NLGN4X: variants seen among roughly 807,000 people sequenced by gnomAD.
NLGN4X encodes neuroligin 4 X-linked, also known as neuroligin-4, X-linked.
In NLGN4X, 3 loss-of-function variants were observed where a neutral mutation model predicts 40.3. The observed-to-expected ratio is 0.07, with a 90% confidence interval of 0.03 to 0.19. The LOEUF (loss-of-function observed/expected upper bound fraction) is 0.19, where lower values mean the gene tolerates loss of function less well. NLGN4X is among the 10% of genes least tolerant of loss of function. NLGN4X has a pLI of 1.00. For synonymous variants in NLGN4X, 270 were observed against 306.8 expected, an observed-to-expected ratio of 0.88 and a Z score of 1.25; for missense variants, 382 against 708.3, an observed-to-expected ratio of 0.54 and a Z score of 5.23.
chrX:6,155,897 G>A (rs1332082136), intron 1 of NLGN4X, among the ~76,000 whole-genome samples: 1 of 112,211 alleles, frequency 8.9e-6, no homozygotes, highest in Non-Finnish European at 1.9e-5. Context: ...AAAAACAACA[G>A]ATGCTGTTGC....
chrX:6,145,215 G>A (rs750426340), intron 2 of NLGN4X, among the ~76,000 whole-genome samples: 24 of 111,317 alleles, frequency 2.2e-4, no homozygotes, highest in African/African-American at 6.2e-4. Context: ...TCAAAACCCC[G>A]CCCTGGGATT....
At chrX:5,983,508 C>G (rs1197767287) in intron 3 of NLGN4X, among the ~76,000 whole-genome samples, 1 of 111,757 alleles carries the variant, frequency 8.9e-6, no homozygotes, top group East Asian at 2.8e-4. Context: ...AATCAAACTT[C>G]TAGATCAGAG....
chrX:6,125,442 C>CAACAATATACAACAAATTATATA (rs2039520121), intron 2 of NLGN4X, among the ~76,000 whole-genome samples: 4 of 105,319 alleles, frequency 3.8e-5, no homozygotes, highest in Non-Finnish European at 7.8e-5. Context: ...AAATAATATA[C>CAACAATATACAACAAATTATATA]AACAATATAC....
chrX:5,901,693 A>G (rs2031875387), intron 5 of NLGN4X, among the ~76,000 whole-genome samples: 1 of 110,106 alleles, frequency 9.1e-6, no homozygotes, highest in African/African-American at 3.3e-5. Flanking sequence ...TATGCATGAC[A>G]TATAGCAATA....
In NLGN4X at chrX:5,892,031, A is replaced by ATG. The variant is rs762586079; in HGVS notation, c.*784_*785dup. On this transcript the variant is annotated 3_prime_UTR_variant, in exon 6 of 6. Coordinates refer to ENST00000381095, the MANE Select transcript of NLGN4X (RefSeq NM_181332.3). ...GGAGGAAACAGAGGTGATATGACTA[A>ATG]TGTGTGTGTGTGTGTGTATATATAT... 7.7e-3 allele frequency: 924 copies of ATG among 120,425 alleles called. 4 individuals are homozygous for ATG. The highest frequency in any genetic ancestry group is 0.016 in the African/African-American group (484 of 30,227). The allele number at this position is 120,425 out of a possible 1,213,427, so 9.9% of individuals were successfully genotyped here.
chrX:6,070,221 G>C (rs2038025776), intron 2 of NLGN4X, among the ~76,000 whole-genome samples: 1 of 109,330 alleles, frequency 9.1e-6, no homozygotes, highest in Non-Finnish European at 1.9e-5. Context: ...ACTAAAATAA[G>C]ACATTTTTCC....
intron 1 of NLGN4X, among the ~76,000 whole-genome samples, chrX:6,215,633 T>C (rs1925011801): frequency 9.0e-6 from 1 of 111,174 alleles, no homozygotes; most frequent in Non-Finnish European, 1.9e-5. Context: ...ATACAAATGA[T>C]TGCTCAAGTA....
chrX:6,216,653 CCT>C (rs1389929696), intron 1 of NLGN4X, among the ~76,000 whole-genome samples: 1 of 107,321 alleles, frequency 9.3e-6, no homozygotes, highest in Non-Finnish European at 1.9e-5. Flanking sequence ...TTTGCAAACT[CCT>C]CTGTTTGGTT....
chrX:6,040,569 G>A (rs773110315), intron 2 of NLGN4X, among the ~76,000 whole-genome samples: 1 of 111,146 alleles, frequency 9.0e-6, no homozygotes, highest in South Asian at 3.7e-4. Context: ...TTCACATCTG[G>A]GTCATAACTC....
intron 2 of NLGN4X, among the ~76,000 whole-genome samples, chrX:6,049,486 T>C (rs2037421461): frequency 9.2e-6 from 1 of 109,249 alleles, no homozygotes; most frequent in Admixed American, 9.8e-5. Flanking sequence ...ATAGGTTAGC[T>C]ACTTTTCCAT....
At chrX:6,225,586 C>T (rs777689748) in intron 1 of NLGN4X, among the ~76,000 whole-genome samples, 32 of 103,456 alleles carry the variant, frequency 3.1e-4, no homozygotes, top group African/African-American at 1.0e-3. Context: ...GCATGCACTT[C>T]TATGTTGCCC....
intron 2 of NLGN4X, among the ~76,000 whole-genome samples, chrX:6,116,086 G>A (rs142199650): frequency 0.03 from 3,222 of 108,195 alleles, 115 homozygotes; most frequent in African/African-American, 0.091. Context: ...GAGGTCAGGA[G>A]ATGGAGACCA....
intron 1 of NLGN4X, among the ~76,000 whole-genome samples, chrX:6,184,801 G>GA (rs1921848443): frequency 8.9e-6 from 1 of 112,567 alleles, no homozygotes; most frequent in Non-Finnish European, 1.9e-5. Flanking sequence ...GTTTTCTGCA[G>GA]AATGTGAAGG....
chrX:6,177,565 T>C (rs1383320777), intron 1 of NLGN4X, among the ~76,000 whole-genome samples: 2 of 112,307 alleles, frequency 1.8e-5, no homozygotes, highest in African/African-American at 6.5e-5. Context: ...TTGTACTCAT[T>C]TGTCAAATAA....
intron 3 of NLGN4X, among the ~76,000 whole-genome samples, chrX:5,956,585 T>C (rs767806079): frequency 9.0e-6 from 1 of 111,436 alleles, no homozygotes; most frequent in East Asian, 2.8e-4. Context: ...ATGTGTAGAA[T>C]TATGGGAACT....
At chrX:6,227,848 G>A (rs1227203726) in intron 1 of NLGN4X, 3 of 109,296 alleles carry the variant, frequency 2.7e-5, no homozygotes, top group Non-Finnish European at 5.7e-5. Flanking sequence ...TCGCTTAAAT[G>A]CGACCCCAAC....
chrX:6,013,526 T>A (rs1418496012), intron 3 of NLGN4X, among the ~76,000 whole-genome samples: 1 of 90,092 alleles, frequency 1.1e-5, no homozygotes, highest in Non-Finnish European at 2.5e-5. Flanking sequence ...CGGTAGACAC[T>A]AGGGAGAGAG....
intron 2 of NLGN4X, among the ~76,000 whole-genome samples, chrX:6,104,486 C>T (rs1287254169): frequency 9.3e-6 from 1 of 107,850 alleles, no homozygotes; most frequent in Non-Finnish European, 1.9e-5. Context: ...TTTATTTCTC[C>T]ATCTTCTCTC....
At chrX:6,167,800 C>A (rs2040528454) in intron 1 of NLGN4X, among the ~76,000 whole-genome samples, 1 of 112,058 alleles carries the variant, frequency 8.9e-6, no homozygotes, top group Non-Finnish European at 1.9e-5. Context: ...CAGCAAGTGG[C>A]AAAATCCTCC....
Sources: gnomAD v4.1 joint callset for allele counts (sites outside exome capture counted in the v4.1 genomes callset) on GRCh38, gnomAD v4.1.1 for gene constraint, MANE v1.5 for transcripts, NCBI Gene and HGNC (gene_info 2026-07-23, HGNC 2026-07-21) for gene names.